The following MYO18B variants were observed in gnomAD, a reference collection of about 807,000 sequenced individuals.
MYO18B encodes the protein myosin XVIIIB.
A neutral mutation model predicts 273.0 loss-of-function variants in MYO18B; 204 were observed. The observed-to-expected ratio is 0.75, with a 90% CI of 0.67 to 0.84. The LOEUF is 0.84. Among genes scored for constraint, MYO18B ranks in the 40% least tolerant of loss-of-function variants. The probability of loss-of-function intolerance (pLI) is 0.00; values close to 1 mark genes in which losing one functional copy is unlikely to be tolerated. For missense variants in MYO18B, 3,212 were observed against 3,287.6 expected, an observed-to-expected ratio of 0.98 and a Z score of 0.56; for synonymous variants, 1,330 against 1,305.7, an observed-to-expected ratio of 1.02 and a Z score of -0.40.
chr22:26,041,197 G>A, the MYO18B span, among the ~76,000 whole-genome samples: 1 of 151,636 alleles, frequency 6.6e-6, no homozygotes, highest in Admixed American at 6.6e-5. Flanking sequence ...GGTATTTTAT[G>A]TGCGGTCCAA....
chr22:25,909,874 A>G (rs2092121699), intron 32 of MYO18B, among the ~76,000 whole-genome samples: 1 of 152,198 alleles, frequency 6.6e-6, no homozygotes, highest in South Asian at 2.1e-4. Context: ...GTCAGGAGAG[A>G]GGACACTAAC....
intron 42 of MYO18B, among the ~76,000 whole-genome samples, chr22:26,016,833 G>T (rs1323066241): frequency 6.6e-6 from 1 of 152,216 alleles, no homozygotes; most frequent in Non-Finnish European, 1.5e-5. Context: ...GCCAGGAGAG[G>T]CCCCAGCCCA....
At chr22:26,020,734 A>C (rs1935743569) in intron 42 of MYO18B, among the ~76,000 whole-genome samples, 1 of 152,078 alleles carries the variant, frequency 6.6e-6, no homozygotes, top group Non-Finnish European at 1.5e-5. Flanking sequence ...TTCTAACAAG[A>C]CCCTGGGACC....
In MYO18B at chr22:25,851,514, C is replaced by G. The variant is rs1195351165; in HGVS notation, c.3820C>G (p.Gln1274Glu). 1.1e-5 allele frequency: 17 copies of G among 1,561,190 alleles called. No homozygotes were observed. Among genetic ancestry groups the G allele is most frequent in the Non-Finnish European group, 1.5e-5 (17 of 1,152,200 alleles). The change falls in exon 21 of 44, where the codon CAG becomes GAG. Residue 1274 changes from glutamine (Q) to glutamate (E), a missense_variant. Physicochemically the swap from Gln to Glu is conservative, Grantham distance 29. Transcript: ENST00000335473. ...GCTCACTCGCTTCCGCCGGCAATTC[C>G]AGGTGCTGGACGCTCCACTCCTGAA... ...MGLTRFRRQFQVLDAPLLKKL... is the reference protein window; with the variant it reads ...MGLTRFRRQFEVLDAPLLKKL...
At chr22:25,943,447 T>A (rs891804884) in intron 34 of MYO18B, among the ~76,000 whole-genome samples, 2 of 152,006 alleles carry the variant, frequency 1.3e-5, no homozygotes, top group African/African-American at 4.8e-5. Flanking sequence ...TTAGAAACCA[T>A]CCATGGCTTC....
chr22:26,004,540 CAGTAATT>C (rs1452839246), intron 41 of MYO18B, among the ~76,000 whole-genome samples, 171 bp from the exon 42 acceptor site: 5 of 152,220 alleles, frequency 3.3e-5, no homozygotes, highest in African/African-American at 1.2e-4. Context: ...CTCCAAATCT[CAGTAATT>C]CCATCTGTGT....
intron 38 of MYO18B, among the ~76,000 whole-genome samples, chr22:25,954,718 A>T (rs2092828569): frequency 6.6e-6 from 1 of 152,112 alleles, no homozygotes; most frequent in East Asian, 1.9e-4. Flanking sequence ...TTATTTATTT[A>T]TTTATTTTTT....
chr22:25,836,673 T>C (rs776852211), intron 17 of MYO18B, among the ~76,000 whole-genome samples: 1 of 152,014 alleles, frequency 6.6e-6, no homozygotes. Flanking sequence ...AGAAGGCAAA[T>C]GTAGTGGCCG....
At chr22:25,948,939 G>A (rs556779125) in intron 36 of MYO18B, among the ~76,000 whole-genome samples, 1 of 152,150 alleles carries the variant, frequency 6.6e-6, no homozygotes, top group Admixed American at 6.5e-5. Context: ...ATTGGGGATT[G>A]GGGGTGCCTT....
intron 3 of MYO18B, among the ~76,000 whole-genome samples, chr22:25,766,331 G>A (rs1291346830): frequency 6.6e-6 from 1 of 151,910 alleles, no homozygotes; most frequent in Non-Finnish European, 1.5e-5. Flanking sequence ...GGTGATATAG[G>A]GCTCATTGCA....
At chr22:26,042,207 G>A in the MYO18B span, among the ~76,000 whole-genome samples, 1 of 152,230 alleles carries the variant, frequency 6.6e-6, no homozygotes, top group Non-Finnish European at 1.5e-5. Context: ...TTTTCAGAGT[G>A]TAACTCACCT....
At chr22:25,769,861 T>A (rs2086653806) in intron 4 of MYO18B, among the ~76,000 whole-genome samples, 1 of 133,838 alleles carries the variant, frequency 7.5e-6, no homozygotes, top group African/African-American at 3.2e-5. Flanking sequence ...TATGTAGTAT[T>A]TTTTTTTTTT....
chr22:25,822,033 CA>C (rs2089300668), intron 12 of MYO18B, among the ~76,000 whole-genome samples: 1 of 152,106 alleles, frequency 6.6e-6, no homozygotes, highest in South Asian at 2.1e-4. Flanking sequence ...AAGCATTGTC[CA>C]TGGTATGCAC....
intron 8 of MYO18B, among the ~76,000 whole-genome samples, chr22:25,779,311 C>T (rs900655310): frequency 6.6e-6 from 1 of 152,140 alleles, no homozygotes; most frequent in Non-Finnish European, 1.5e-5. Context: ...GTCCTCATGA[C>T]AGCCACATGA....
intron 39 of MYO18B, among the ~76,000 whole-genome samples, chr22:25,975,421 G>A (rs1184292384): frequency 6.6e-6 from 1 of 152,204 alleles, no homozygotes; most frequent in African/African-American, 2.4e-5. Flanking sequence ...TGAAAGCGAG[G>A]CAGAGGGCAG....
chr22:25,793,890 A>G (rs1251210865), intron 11 of MYO18B, among the ~76,000 whole-genome samples: 1 of 152,202 alleles, frequency 6.6e-6, no homozygotes, highest in African/African-American at 2.4e-5. Context: ...TACTAATTTT[A>G]AGTGTACAAC....
At chr22:25,835,091 A>G (rs1288867759) in intron 16 of MYO18B, among the ~76,000 whole-genome samples, 1 of 152,224 alleles carries the variant, frequency 6.6e-6, no homozygotes, top group Non-Finnish European at 1.5e-5. Flanking sequence ...CAGAGGCAGG[A>G]TTCAGACAGT....
chr22:25,775,797 G>A (rs1293561796), intron 7 of MYO18B, among the ~76,000 whole-genome samples: 1 of 151,628 alleles, frequency 6.6e-6, no homozygotes, highest in South Asian at 2.1e-4. Context: ...GCTTTCAAAC[G>A]CCTCCCGTTC....
intron 1 of MYO18B, among the ~76,000 whole-genome samples, chr22:25,757,247 A>G (rs1484155006): frequency 1.3e-5 from 2 of 152,160 alleles, no homozygotes; most frequent in Non-Finnish European, 2.9e-5. Flanking sequence ...TTTTATTTAT[A>G]ATAGCCACCT....
Sources: gnomAD v4.1 joint callset for allele counts (sites outside exome capture counted in the v4.1 genomes callset) on GRCh38, gnomAD v4.1.1 for gene constraint, MANE v1.5 for transcripts, NCBI Gene and HGNC (gene_info 2026-07-23, HGNC 2026-07-21) for gene names.